Variants in NEBL observed in about 807,000 individuals in gnomAD.
NEBL encodes LIM and SH3 protein 2.
Under a neutral mutation model 140.2 loss-of-function variants are expected in NEBL, and 122 were observed. That is an observed-to-expected ratio of 0.87 (90% CI 0.75 to 1.01). The LOEUF (loss-of-function observed/expected upper bound fraction) is 1.01. NEBL is among the 50% of genes least tolerant of loss of function. NEBL has a pLI of 0.00. For missense variants in NEBL, 1,365 were observed against 1,231.3 expected, an observed-to-expected ratio of 1.11 and a Z score of -1.62; for synonymous variants, 436 against 398.9, an observed-to-expected ratio of 1.09 and a Z score of -1.11.
At chr10:20,995,364 G>A (rs1837627275) in intron 3 of NEBL, among the ~76,000 whole-genome samples, 1 of 152,132 alleles carries the variant, frequency 6.6e-6, no homozygotes, top group South Asian at 2.1e-4. Context: ...CCGTGTGAAG[G>A]CGGCTGCTTG....
chr10:20,962,001 C>G (rs1012737806), intron 3 of NEBL, among the ~76,000 whole-genome samples: 1 of 152,164 alleles, frequency 6.6e-6, no homozygotes, highest in Admixed American at 6.5e-5. Context: ...TTTAACCACT[C>G]TGTGCTCAGT....
intron 4 of NEBL, among the ~76,000 whole-genome samples, chr10:20,956,621 G>T (rs1443574700): frequency 1.3e-5 from 2 of 151,914 alleles, no homozygotes; most frequent in African/African-American, 4.8e-5. Flanking sequence ...CCTTCAAACT[G>T]CTTAGTGTAC....
chr10:21,162,752 A>G (rs1051234976), intron 2 of NEBL, among the ~76,000 whole-genome samples: 1 of 152,234 alleles, frequency 6.6e-6, no homozygotes, highest in South Asian at 2.1e-4. Context: ...AGGCATAAAA[A>G]GTACAATGGA....
chr10:20,988,174 T>C (rs996094740), intron 3 of NEBL, among the ~76,000 whole-genome samples: 1 of 152,154 alleles, frequency 6.6e-6, no homozygotes, highest in Non-Finnish European at 1.5e-5. Flanking sequence ...AAAGGCCCAG[T>C]GTGGTACAGA....
At chr10:21,192,111 G>C (rs1841583475) in intron 3 of NEBL, among the ~76,000 whole-genome samples, 1 of 151,980 alleles carries the variant, frequency 6.6e-6, no homozygotes, top group South Asian at 2.1e-4. Context: ...CTTCTTAGTA[G>C]ATAAACTCTT....
intron 22 of NEBL, among the ~76,000 whole-genome samples, chr10:20,815,364 C>T (rs919530452): frequency 6.6e-6 from 1 of 152,240 alleles, no homozygotes; most frequent in Non-Finnish European, 1.5e-5. Context: ...TATCATGAAT[C>T]GTTGTTTAAA....
chr10:20,986,674 A>G lies in NEBL; in HGVS notation c.250-24895T>C, dbSNP rs1259005000. On this transcript the variant is annotated intron_variant, in intron 3 of 6. Coordinates refer to the NEBL transcript ENST00000417816. ...AGGTTCTTGAAATAAACTAGCATCA[A>G]TTAAATTATAATGAACAAGTCATTC... is the stretch of plus-strand genomic sequence containing the variant. Among the ~76,000 whole-genome samples, 3 of 152,262 alleles carry G rather than the reference A, an allele frequency of 2.0e-5. No homozygotes were observed. The South Asian group carries it at 6.2e-4, about 32-fold the overall frequency.
intron 3 of NEBL, among the ~76,000 whole-genome samples, chr10:20,979,131 C>T (rs1836927899): frequency 6.6e-6 from 1 of 151,882 alleles, no homozygotes; most frequent in African/African-American, 2.4e-5. Context: ...AAATAATACA[C>T]GTAGGACTGG....
At chr10:20,971,837 T>C (rs1413409079) in intron 3 of NEBL, among the ~76,000 whole-genome samples, 3 of 152,118 alleles carry the variant, frequency 2.0e-5, no homozygotes, top group African/African-American at 7.2e-5. Flanking sequence ...ATGGTCTCGA[T>C]CTCCTGACCT....
At chr10:21,108,473 T>C (rs1837822997) in intron 2 of NEBL, among the ~76,000 whole-genome samples, 1 of 152,206 alleles carries the variant, frequency 6.6e-6, no homozygotes, top group African/African-American at 2.4e-5. Context: ...TGTGCGCTTT[T>C]GAGGGAGTTT....
At chr10:21,085,564 G>A (rs963868133) in intron 2 of NEBL, among the ~76,000 whole-genome samples, 5 of 152,202 alleles carry the variant, frequency 3.3e-5, no homozygotes, top group African/African-American at 1.2e-4. Context: ...GAGCCCAAGA[G>A]TTAGAGGCTG....
At chr10:20,820,443 A>G (rs1839185217) in intron 19 of NEBL, among the ~76,000 whole-genome samples, 1 of 152,236 alleles carries the variant, frequency 6.6e-6, no homozygotes, top group Non-Finnish European at 1.5e-5. Context: ...TCACAGGGAC[A>G]GTTTTAGTGT....
At chr10:21,287,673 T>C (rs778371749) in intron 1 of NEBL, among the ~76,000 whole-genome samples, 6 of 152,182 alleles carry the variant, frequency 3.9e-5, no homozygotes, top group African/African-American at 1.2e-4. Context: ...AATCCAGATA[T>C]ATCACTTCAC....
rs1835174343 is a variant in NEBL at position 20,783,655 on chromosome 10, A to T, written c.*2092T>A. ...TTAATCAACAACTACTCTTTCTTATAATCACAAAAGAAAATGGCCTGCCTG... is the reference window on the plus strand; with the variant it reads ...TTAATCAACAACTACTCTTTCTTATTATCACAAAAGAAAATGGCCTGCCTG... On this transcript the variant is annotated 3_prime_UTR_variant, in exon 28 of 28. Coordinates refer to ENST00000377122, the MANE Select transcript of NEBL (RefSeq NM_006393.3). 6.6e-6 allele frequency: 1 copy of T among 152,608 alleles called. No individual in the cohort carries two copies. Among genetic ancestry groups the T allele is most frequent in the Non-Finnish European group, 1.5e-5 (1 of 68,038 alleles). The allele number at this position is 152,608 out of a possible 1,614,324, so 9.5% of individuals were successfully genotyped here.
rs144810202 is a variant in NEBL, at chr10:21,277,967, T to C, written n.182+14863A>G. On this transcript the variant is annotated intron_variant and non_coding_transcript_variant, in intron 1 of 8. Transcript: ENST00000675702. ...CTACTTCATTGAGCTGTTGTCTATA[T>C]TCAATGACAAAAGACCCCTTGAGGC... 8.1e-4 allele frequency among the ~76,000 whole-genome samples: 124 copies of C among 152,328 alleles called. 1 individual carries two copies. The highest frequency in any genetic ancestry group is 3.4e-3 in the Middle Eastern group (1 of 294).
chr10:20,978,066 G>T (rs1485596534), intron 3 of NEBL, among the ~76,000 whole-genome samples: 1 of 152,014 alleles, frequency 6.6e-6, no homozygotes, highest in Non-Finnish European at 1.5e-5. Context: ...AATGCTCTGG[G>T]CTCCTAACGC....
intron 2 of NEBL, among the ~76,000 whole-genome samples, chr10:21,138,994 G>A (rs1189262530): frequency 2.0e-5 from 3 of 152,074 alleles, no homozygotes; most frequent in South Asian, 2.1e-4. Context: ...GTTCTTATAC[G>A]TGATCTATTC....
At chr10:20,788,792 A>G (rs1835662375) in intron 26 of NEBL, among the ~76,000 whole-genome samples, 1 of 152,210 alleles carries the variant, frequency 6.6e-6, no homozygotes, top group South Asian at 2.1e-4. Flanking sequence ...ATATTGTCAA[A>G]ATCCACTCAC....
chr10:21,249,669 T>G (rs1382383412), intron 2 of NEBL, among the ~76,000 whole-genome samples: 2 of 151,424 alleles, frequency 1.3e-5, no homozygotes, highest in Non-Finnish European at 2.9e-5. Context: ...AATATCATAT[T>G]TAGAATCATG....
Sources: gnomAD v4.1 joint callset for allele counts (sites outside exome capture counted in the v4.1 genomes callset) on GRCh38, gnomAD v4.1.1 for gene constraint, MANE v1.5 for transcripts, NCBI Gene and HGNC (gene_info 2026-07-23, HGNC 2026-07-21) for gene names.